CFDP1: variants seen among roughly 807,000 people sequenced by gnomAD.
The protein encoded by CFDP1 is heterochromatin-stabilizing protein CFDP1.
A neutral mutation model predicts 40.1 loss-of-function variants in CFDP1; 31 were observed. That is an observed-to-expected ratio of 0.77 (90% confidence interval 0.58 to 1.04). The LOEUF (loss-of-function observed/expected upper bound fraction) is 1.04. CFDP1 is among the 50% of genes least tolerant of loss of function. The probability of loss-of-function intolerance (pLI) is 0.00; values close to 1 mark genes in which losing one functional copy is unlikely to be tolerated. For missense variants in CFDP1, 423 were observed against 343.4 expected (o/e 1.23, Z -1.83); for synonymous variants, 167 against 120.0 (o/e 1.39, Z -2.56).
intron 5 of CFDP1, among the ~76,000 whole-genome samples, chr16:75,377,592 G>T (rs2151544796): frequency 6.6e-6 from 1 of 152,324 alleles, no homozygotes; most frequent in East Asian, 1.9e-4. Context: ...TGTGAGAGAA[G>T]ATATGAAAAA....
rs1555557207 is a variant in CFDP1 at position 75,349,684 on chromosome 16, A to ATATATATATATATATATAT, written c.651-44503_651-44502insATATATATATATATATATA. 8.2e-3 allele frequency among the ~76,000 whole-genome samples: 68 copies of ATATATATATATATATATAT among 8,264 alleles called. 4 individuals carry two copies. Among genetic ancestry groups the ATATATATATATATATATAT allele is most frequent in the Admixed American group, 0.017 (6 of 362 alleles). The allele number at this position is 8,264 out of a possible 152,430, so 5.4% of individuals were successfully genotyped here. On this transcript the variant is annotated intron_variant, in intron 5 of 6. Transcript: ENST00000283882. ...AAAAAAAAAAAAAAAAAAAAAAAAA[A>ATATATATATATATATATAT]AAAAAAATATATATACATACATATA...
At chr16:75,338,541 A>G (rs1330050740) in intron 5 of CFDP1, among the ~76,000 whole-genome samples, 1 of 152,092 alleles carries the variant, frequency 6.6e-6, no homozygotes, top group Non-Finnish European at 1.5e-5. Flanking sequence ...GTGAATGAGA[A>G]CTTCTGGGTG....
chr16:75,381,630 TTC>T (rs1166872362), intron 5 of CFDP1, among the ~76,000 whole-genome samples: 4 of 152,186 alleles, frequency 2.6e-5, no homozygotes, highest in Non-Finnish European at 2.9e-5. Context: ...CTAGTCCAGG[TTC>T]TCTCTCTTTG....
intron 5 of CFDP1, among the ~76,000 whole-genome samples, chr16:75,316,569 T>TAAAAA (rs780200659): frequency 3.8e-5 from 1 of 26,578 alleles, no homozygotes; most frequent in Admixed American, 4.2e-4. Flanking sequence ...AGACCCTGTC[T>TAAAAA]AAAAAAAAAA....
At chr16:75,340,866 A>T (rs767357370) in intron 5 of CFDP1, among the ~76,000 whole-genome samples, 37 of 152,186 alleles carry the variant, frequency 2.4e-4, no homozygotes, top group Admixed American at 2.3e-3. Context: ...CATTAACAAG[A>T]CAGGTCACTG....
At chr16:75,401,532 A>G (rs1433589545) in intron 4 of CFDP1, among the ~76,000 whole-genome samples, 1 of 151,894 alleles carries the variant, frequency 6.6e-6, no homozygotes, top group East Asian at 1.9e-4. Context: ...CCCAGGAGGC[A>G]GAGGTTTCAG....
At position 75,433,366 on chromosome 16, in the gene CFDP1, G is replaced by A; in HGVS notation, c.-14C>T. The stretch of plus-strand genomic sequence containing the variant: ...GAATTCCTCCATGTTGCTGCCGCTC[G>A]ACGCTGGTCAAACTCACAAGACCGC... On this transcript the variant is annotated 5_prime_UTR_variant, in exon 1 of 7. Transcript: ENST00000283882. 1 of 1,582,616 alleles carries A rather than the reference G, an allele frequency of 6.3e-7. No homozygotes were observed. The highest frequency in any genetic ancestry group is 8.6e-7 in the Non-Finnish European group (1 of 1,164,308).
chr16:75,413,375 C>A (rs2079178864), intron 2 of CFDP1, among the ~76,000 whole-genome samples: 1 of 151,982 alleles, frequency 6.6e-6, no homozygotes, highest in African/African-American at 2.4e-5. Context: ...TTCTCTTTTA[C>A]TTCATATAAA....
At chr16:75,320,470 A>T (rs1443680842) in intron 5 of CFDP1, among the ~76,000 whole-genome samples, 3 of 152,064 alleles carry the variant, frequency 2.0e-5, no homozygotes, top group Non-Finnish European at 4.4e-5. Flanking sequence ...AATCAAGTGC[A>T]ATCAACTAAA....
chr16:75,319,579 T>C (rs1352704380), intron 5 of CFDP1, among the ~76,000 whole-genome samples: 1 of 152,158 alleles, frequency 6.6e-6, no homozygotes, highest in African/African-American at 2.4e-5. Flanking sequence ...CGCAACATCG[T>C]TTGCTCACTC....
chr16:75,378,274 G>C (rs1407239188), intron 5 of CFDP1, among the ~76,000 whole-genome samples: 1 of 42,872 alleles, frequency 2.3e-5, no homozygotes, highest in South Asian at 8.5e-4. Flanking sequence ...AATGAGTAAG[G>C]AGCATCTCAC....
chr16:75,428,962 C>A (rs1697598617), intron 1 of CFDP1, among the ~76,000 whole-genome samples: 1 of 150,984 alleles, frequency 6.6e-6, no homozygotes, highest in African/African-American at 2.4e-5. Flanking sequence ...TATAAAAATA[C>A]AAAAATTAGC....
At chr16:75,402,074 T>C (rs2079060640) in intron 4 of CFDP1, among the ~76,000 whole-genome samples, 1 of 152,214 alleles carries the variant, frequency 6.6e-6, no homozygotes, top group Admixed American at 6.5e-5. Flanking sequence ...ACTTTAGTAA[T>C]TGACACCAAG....
chr16:75,322,254 T>C (rs563509719), intron 5 of CFDP1, among the ~76,000 whole-genome samples: 26 of 152,366 alleles, frequency 1.7e-4, no homozygotes, highest in African/African-American at 6.3e-4. Context: ...GTCCCAGATA[T>C]CACCAACACT....
chr16:75,384,507 T>C (rs939097110), intron 5 of CFDP1, among the ~76,000 whole-genome samples: 19 of 152,194 alleles, frequency 1.2e-4, no homozygotes, highest in African/African-American at 4.1e-4. Flanking sequence ...CACATAATAC[T>C]GGCATGACTT....
At chr16:75,403,007 A>T (rs995014242) in intron 4 of CFDP1, among the ~76,000 whole-genome samples, 3 of 152,168 alleles carry the variant, frequency 2.0e-5, no homozygotes, top group African/African-American at 7.2e-5. Context: ...ATTCATATGA[A>T]AAAAGGGCTT....
intron 6 of CFDP1, among the ~76,000 whole-genome samples, chr16:75,301,350 A>C (rs991527895): frequency 1.3e-5 from 2 of 152,110 alleles, no homozygotes; most frequent in Non-Finnish European, 2.9e-5. Context: ...AATCATTATA[A>C]AACAAGTGCT....
chr16:75,328,144 ATT>A (rs1262815642), intron 5 of CFDP1, among the ~76,000 whole-genome samples: 54 of 127,572 alleles, frequency 4.2e-4, no homozygotes, highest in Admixed American at 6.5e-4. Context: ...TTGGTACTTG[ATT>A]TTTTTTTTTT....
chr16:75,433,433 G>C lies in CFDP1; in HGVS notation c.-81C>G. 2.1e-6 allele frequency: 3 copies of C among 1,424,218 alleles called. No individual in the cohort carries two copies. Among genetic ancestry groups the C allele is most frequent in the Non-Finnish European group, 1.9e-6 (2 of 1,042,930 alleles). The allele number at this position is 1,424,218 out of a possible 1,614,324, so 88.2% of individuals were successfully genotyped here. A position where few individuals can be genotyped will look rare whatever the true frequency, so the allele number is the denominator to read the frequency against. On this transcript the variant is annotated 5_prime_UTR_variant, in exon 1 of 7. Transcript: ENST00000283882. Reference sequence around the variant, plus strand: ...GGCAAAGCTCTAGGGAGAGACCATAGAGCCCCGGCGGCGGCGACGGCAGCT... The same window carrying C: ...GGCAAAGCTCTAGGGAGAGACCATACAGCCCCGGCGGCGGCGACGGCAGCT...
Sources: allele counts gnomAD v4.1 joint callset (sites outside exome capture counted in the v4.1 genomes callset), GRCh38; gene constraint gnomAD v4.1.1; transcripts MANE v1.5; gene names NCBI Gene and HGNC (gene_info 2026-07-23, HGNC 2026-07-21).